The following ALK variants were observed in gnomAD, a reference collection of about 807,000 sequenced individuals.
ALK encodes the protein ALK receptor tyrosine kinase, also known as ALK tyrosine kinase receptor.
A neutral mutation model predicts 163.1 loss-of-function variants in ALK; 74 were observed. That is an observed-to-expected ratio of 0.45 (90% confidence interval 0.38 to 0.55). The LOEUF is 0.55. Among genes scored for constraint, ALK ranks in the 20% least tolerant of loss-of-function variants. The pLI, the probability that ALK is intolerant of heterozygous loss-of-function variation, is 0.00. For synonymous variants in ALK, 960 were observed against 843.2 expected (o/e 1.14, Z -2.40); for missense variants, 2,063 against 2,105.3 (o/e 0.98, Z 0.39).
chr2:29,614,578 A>G (rs550763853), intron 3 of ALK, among the ~76,000 whole-genome samples: 1 of 152,356 alleles, frequency 6.6e-6, no homozygotes, highest in East Asian at 1.9e-4. Context: ...AATCAGGCTC[A>G]TCTGAGCCCC....
intron 2 of ALK, among the ~76,000 whole-genome samples, chr2:29,700,866 T>C (rs1420060922): frequency 2.6e-5 from 4 of 151,378 alleles, no homozygotes; most frequent in Admixed American, 6.6e-5. Context: ...TGTAGAAGAG[T>C]TGTCAATGAC....
intron 3 of ALK, among the ~76,000 whole-genome samples, chr2:29,579,929 A>T (rs1247807282): frequency 6.6e-6 from 1 of 152,154 alleles, no homozygotes; most frequent in Non-Finnish European, 1.5e-5. Flanking sequence ...GTATTAAATT[A>T]CTTGTCCATT....
At chr2:29,377,617 G>GT (rs1382977223) in intron 5 of ALK, among the ~76,000 whole-genome samples, 1 of 152,178 alleles carries the variant, frequency 6.6e-6, no homozygotes, top group Non-Finnish European at 1.5e-5. Flanking sequence ...AGCTGTACTT[G>GT]TATCATTTTA....
At chr2:29,845,243 C>T (rs59947523) in intron 1 of ALK, among the ~76,000 whole-genome samples, 2 of 152,222 alleles carry the variant, frequency 1.3e-5, no homozygotes, top group African/African-American at 4.8e-5. Flanking sequence ...CTACTGATCC[C>T]TCAGGCTCAC....
chr2:29,920,317 G>C lies in ALK; in HGVS notation c.343C>G (p.Pro115Ala), dbSNP rs1023682229. Residue 115 changes from proline to alanine, a missense_variant, in exon 1 of 29, where the codon CCA (proline) becomes GCA (alanine). Around this residue, in one of 5 missense-constraint regions of ALK, gnomAD observed 987 missense variants for 939.5 expected, o/e 1.05. Coordinates refer to ENST00000389048, the MANE Select transcript of ALK (RefSeq NM_004304.5). ...APGVSWTAGS[P>A]APAEARTLSR... Reference sequence around the variant, plus strand: ...AGCGTCCGGGCCTCTGCCGGGGCTGGTGAACCGGCGGTCCAGGAGACCCCC... The same window carrying C: ...AGCGTCCGGGCCTCTGCCGGGGCTGCTGAACCGGCGGTCCAGGAGACCCCC... The C allele has an allele frequency of 6.4e-7, 1 of 1,555,982 alleles. No homozygotes were observed. The highest frequency in any genetic ancestry group is 8.7e-7 in the Non-Finnish European group (1 of 1,151,404).
chr2:29,393,442 T>C (rs1669228683), intron 4 of ALK, among the ~76,000 whole-genome samples: 2 of 152,120 alleles, frequency 1.3e-5, no homozygotes, highest in African/African-American at 4.8e-5. Context: ...CTTCATTCCA[T>C]AGGGGTCCTG....
intron 3 of ALK, among the ~76,000 whole-genome samples, chr2:29,605,361 G>T (rs559452787): frequency 6.6e-6 from 1 of 152,190 alleles, no homozygotes; most frequent in Non-Finnish European, 1.5e-5. Context: ...TCGGTCCATG[G>T]CCTTGGGGTT....
At position 29,213,952 on chromosome 2, in the gene ALK, A is replaced by G. The variant is rs756347708; in HGVS notation, c.3743+32T>C. The G allele has an allele frequency of 1.4e-5, 22 of 1,572,322 alleles. No individual in the cohort carries two copies. In the Admixed American group the frequency reaches 3.7e-4, roughly 26 times the overall value. ...GGGAAGCACACAGATCAGCGACAGG[A>G]TGACAGGAAGAGCACAGTCACTTTG... is the stretch of plus-strand genomic sequence containing the variant. On this transcript the variant is annotated intron_variant, in intron 24 of 28. Coordinates refer to ENST00000389048, the MANE Select transcript of ALK (RefSeq NM_004304.5).
At chr2:29,699,778 T>A (rs554324851) in intron 2 of ALK, among the ~76,000 whole-genome samples, 1 of 152,322 alleles carries the variant, frequency 6.6e-6, no homozygotes, top group East Asian at 1.9e-4. Flanking sequence ...GACCTGCCTA[T>A]CACATATGTG....
At chr2:29,612,504 T>A in intron 3 of ALK, among the ~76,000 whole-genome samples, 1 of 152,194 alleles carries the variant, frequency 6.6e-6, no homozygotes, top group East Asian at 1.9e-4. Flanking sequence ...AAAGTGATCA[T>A]GAGGTCAACT....
intron 5 of ALK, among the ~76,000 whole-genome samples, chr2:29,372,248 G>T (rs917564160): frequency 2.6e-5 from 4 of 152,150 alleles, no homozygotes; most frequent in Non-Finnish European, 4.4e-5. Context: ...AATGCCTTTA[G>T]CCTCCTGTAT....
rs998951964 is a variant in ALK, at chr2:29,528,364, T to C, written c.1154+3551A>G. On this transcript the variant is annotated intron_variant, in intron 4 of 28. Coordinates refer to ENST00000389048, the MANE Select transcript of ALK (RefSeq NM_004304.5). ...GAGAGGACCAATTTTACACAGACAA[T>C]TGCTGCTGGATTGATCTTCTGAGAC... 8.5e-5 allele frequency among the ~76,000 whole-genome samples: 13 copies of C among 152,272 alleles called. 1 individual carries two copies. Among genetic ancestry groups the C allele is most frequent in the African/African-American group, 2.6e-4 (11 of 41,556 alleles).
At chr2:29,907,727 A>G (rs72857515) in intron 1 of ALK, among the ~76,000 whole-genome samples, 5,280 of 152,192 alleles carry the variant, frequency 0.035, 308 homozygotes, top group African/African-American at 0.12. Context: ...TACCACGTGC[A>G]TGTAAATAGC....
chr2:29,770,127 G>A (rs1285122373), intron 1 of ALK, among the ~76,000 whole-genome samples: 4 of 152,302 alleles, frequency 2.6e-5, no homozygotes, highest in East Asian at 1.9e-4. Context: ...GGAGACTCCC[G>A]GTCCAGGGAC....
chr2:29,906,135 G>A (rs1313560949), intron 1 of ALK, among the ~76,000 whole-genome samples: 1 of 150,074 alleles, frequency 6.7e-6, no homozygotes, highest in Non-Finnish European at 1.5e-5. Flanking sequence ...GGGCGTGTGG[G>A]GCAGGGGGGA....
chr2:29,725,188 G>A (rs1209609948), intron 1 of ALK, among the ~76,000 whole-genome samples: 4 of 132,782 alleles, frequency 3.0e-5, no homozygotes, highest in Non-Finnish European at 6.3e-5. Flanking sequence ...TCACAAAGAG[G>A]TTGCTCCAGA....
chr2:29,755,775 G>T (rs1210860270), intron 1 of ALK, among the ~76,000 whole-genome samples: 1 of 152,154 alleles, frequency 6.6e-6, no homozygotes, highest in Non-Finnish European at 1.5e-5. Context: ...ACTCAAGGCT[G>T]TGCTGTTCCT....
At chr2:29,440,756 C>T (rs563363237) in intron 4 of ALK, among the ~76,000 whole-genome samples, 1 of 152,330 alleles carries the variant, frequency 6.6e-6, no homozygotes, top group East Asian at 1.9e-4. Flanking sequence ...AGTCTGATAA[C>T]TATTAAAGCA....
At chr2:29,583,897 T>A (rs1008267720) in intron 3 of ALK, among the ~76,000 whole-genome samples, 1 of 152,240 alleles carries the variant, frequency 6.6e-6, no homozygotes, top group African/African-American at 2.4e-5. Context: ...TAAATTTAAT[T>A]AGAGGCCTGA....
Sources: allele counts gnomAD v4.1 joint callset (sites outside exome capture counted in the v4.1 genomes callset), GRCh38; gene constraint gnomAD v4.1.1; regional missense constraint gnomAD v4.1.1; transcripts MANE v1.5; gene names NCBI Gene and HGNC (gene_info 2026-07-23, HGNC 2026-07-21).